Variants in NYAP2 observed in about 807,000 individuals in gnomAD.
NYAP2 encodes neuronal tyrosine-phosphorylated phosphoinositide-3-kinase adaptor 2, also known as neuronal tyrosine-phosphorylated phosphoinositide-3-kinase adapter 2.
A neutral mutation model predicts 50.4 loss-of-function variants in NYAP2; 23 were observed. The ratio of observed to expected loss-of-function variants is 0.46; its 90% CI spans 0.33 to 0.65. The LOEUF is 0.65. Ranked by LOEUF, NYAP2 falls within the 30% of genes least tolerant of loss-of-function variation. The pLI, the probability that NYAP2 is intolerant of heterozygous loss-of-function variation, is 0.02. For synonymous variants in NYAP2, 394 were observed against 365.2 expected (o/e 1.08, Z -0.90); for missense variants, 885 against 861.0 (o/e 1.03, Z -0.35).
chr2:225,693,098 T>C, the NYAP2 span, among the ~76,000 whole-genome samples: 1,221 of 152,194 alleles, frequency 8.0e-3, 29 homozygotes, highest in African/African-American at 0.028. Context: ...TCAGCTTAAA[T>C]CCATACTGTA....
chr2:225,408,959 G>A (rs767686334), exon 3 of NYAP2: 1 of 1,612,008 alleles, frequency 6.2e-7, no homozygotes, highest in Admixed American at 1.7e-5. Flanking sequence ...TGAGGATATG[G>A]GGATGAAGGC....
At chr2:225,623,290 T>A (rs1693155717) in intron 5 of NYAP2, among the ~76,000 whole-genome samples, 1 of 152,186 alleles carries the variant, frequency 6.6e-6, no homozygotes, top group South Asian at 2.1e-4. Context: ...AAATTTGGCC[T>A]AAAGCTACCT....
chr2:225,463,369 GTCAA>G (rs916196836), intron 3 of NYAP2, among the ~76,000 whole-genome samples: 4 of 152,266 alleles, frequency 2.6e-5, no homozygotes, highest in Admixed American at 2.6e-4. Context: ...TAGGTGATCA[GTCAA>G]TCAATCATGT....
chr2:225,681,411 A>G, the NYAP2 span, among the ~76,000 whole-genome samples: 8 of 152,228 alleles, frequency 5.3e-5, no homozygotes, highest in Admixed American at 5.2e-4. Flanking sequence ...GACAACAGCA[A>G]TGGGCCAAAA....
Position 225,563,307 on chromosome 2 carries a change from C to T in NYAP2, c.524-18634C>T, listed in dbSNP as rs1691906291. The stretch of plus-strand genomic sequence containing the variant: ...TCCTTGAGTGAACATTAAACTAAGA[C>T]TTAGAGGTTAAGTAGCAAGGGAGGC... On this transcript the variant is annotated intron_variant, in intron 4 of 6. Transcript: ENST00000636099. Among the ~76,000 whole-genome samples the T allele has an allele frequency of 2.0e-5, 3 of 152,194 alleles. No homozygotes were observed. In the South Asian group the frequency reaches 6.2e-4, roughly 32 times the overall value.
At chr2:225,405,109 T>C (rs948241027) in intron 2 of NYAP2, among the ~76,000 whole-genome samples, 1 of 152,062 alleles carries the variant, frequency 6.6e-6, no homozygotes, top group African/African-American at 2.4e-5. Context: ...GGCTAAAATA[T>C]CTAATTTGTT....
chr2:225,468,048 A>C (rs1689950265), intron 3 of NYAP2, among the ~76,000 whole-genome samples: 1 of 152,192 alleles, frequency 6.6e-6, no homozygotes, highest in African/African-American at 2.4e-5. Context: ...GCACTGAGAG[A>C]TGAATAATAT....
chr2:225,663,899 C>T, the NYAP2 span, among the ~76,000 whole-genome samples: 1 of 152,100 alleles, frequency 6.6e-6, no homozygotes, highest in African/African-American at 2.4e-5. Flanking sequence ...CAAGAGTTGC[C>T]TGACTCTTCC....
At chr2:225,638,757 G>A (rs146315789) in intron 6 of NYAP2, among the ~76,000 whole-genome samples, 49 of 152,290 alleles carry the variant, frequency 3.2e-4, no homozygotes, top group Admixed American at 8.5e-4. Context: ...ACACTAGCCC[G>A]TGCCAGGCCC....
At chr2:225,620,739 A>AC (rs1204441508) in intron 5 of NYAP2, among the ~76,000 whole-genome samples, 1 of 152,140 alleles carries the variant, frequency 6.6e-6, no homozygotes, top group Non-Finnish European at 1.5e-5. Flanking sequence ...AGAAGAGAAA[A>AC]ACACACACAC....
At chr2:225,498,598 C>A (rs116633607) in intron 3 of NYAP2, among the ~76,000 whole-genome samples, 1 of 149,828 alleles carries the variant, frequency 6.7e-6, no homozygotes, top group Non-Finnish European at 1.5e-5. Context: ...TCAATGAATG[C>A]ATTATTGCTA....
intron 3 of NYAP2, among the ~76,000 whole-genome samples, chr2:225,491,960 G>C (rs909994240): frequency 6.6e-6 from 1 of 152,184 alleles, no homozygotes; most frequent in Non-Finnish European, 1.5e-5. Flanking sequence ...AAGAAACCAG[G>C]AGATGATGAA....
intron 4 of NYAP2, among the ~76,000 whole-genome samples, chr2:225,559,364 T>C (rs927236862): frequency 6.9e-6 from 1 of 144,290 alleles, no homozygotes; most frequent in African/African-American, 2.6e-5. Context: ...AAAAAAAAAA[T>C]GTGCTATGTC....
At chr2:225,687,562 C>T in the NYAP2 span, among the ~76,000 whole-genome samples, 1 of 152,104 alleles carries the variant, frequency 6.6e-6, no homozygotes, top group African/African-American at 2.4e-5. Context: ...TTCTTTAAGA[C>T]ACTTTTGCAA....
At chr2:225,633,713 G>C (rs1693360040) in intron 6 of NYAP2, among the ~76,000 whole-genome samples, 1 of 152,220 alleles carries the variant, frequency 6.6e-6, no homozygotes, top group Admixed American at 6.5e-5. Flanking sequence ...GGCACCCCAA[G>C]TGGACAAAAG....
At chr2:225,430,795 G>A (rs756571992) in intron 3 of NYAP2, among the ~76,000 whole-genome samples, 1 of 152,102 alleles carries the variant, frequency 6.6e-6, no homozygotes, top group African/African-American at 2.4e-5. Flanking sequence ...AAAAACAGAT[G>A]TTAAACTCTG....
chr2:225,449,776 C>T (rs7420395), intron 3 of NYAP2, among the ~76,000 whole-genome samples: 127,016 of 151,656 alleles, frequency 0.84, 53,722 homozygotes, highest in African/African-American at 0.94. Context: ...ACCCGGCTAA[C>T]TTTGCTTTTT....
chr2:225,583,315 G>T (rs1303309769), intron 5 of NYAP2, among the ~76,000 whole-genome samples: 1 of 152,094 alleles, frequency 6.6e-6, no homozygotes, highest in African/African-American at 2.4e-5. Context: ...TCTTGCAATG[G>T]TCCTGGAAAG....
intron 5 of NYAP2, among the ~76,000 whole-genome samples, chr2:225,613,695 G>A (rs1692937884): frequency 6.6e-6 from 1 of 152,084 alleles, no homozygotes; most frequent in Non-Finnish European, 1.5e-5. Context: ...CTGCATTCCT[G>A]ACTTTCCAAT....
Sources: allele counts gnomAD v4.1 joint callset (sites outside exome capture counted in the v4.1 genomes callset), GRCh38; gene constraint gnomAD v4.1.1; transcripts MANE v1.5; gene names NCBI Gene and HGNC (gene_info 2026-07-23, HGNC 2026-07-21).